CA7: variants seen among roughly 807,000 people sequenced by gnomAD.
The protein encoded by CA7 is carbonate dehydratase VII.
CA7 carries 13 observed loss-of-function variants against 31.4 expected under a neutral mutation model. The observed-to-expected ratio is 0.41, with a 90% confidence interval of 0.27 to 0.66. The LOEUF (loss-of-function observed/expected upper bound fraction) is 0.66. Ranked by LOEUF, CA7 falls within the 30% of genes least tolerant of loss-of-function variation. CA7 has a pLI of 0.28. For missense variants in CA7, 215 were observed against 351.0 expected (o/e 0.61, Z 3.10); for synonymous variants, 128 against 133.2 (o/e 0.96, Z 0.27).
chr16:66,849,192 G>A (rs773128617), intron 2 of CA7, among the ~76,000 whole-genome samples: 4 of 152,134 alleles, frequency 2.6e-5, no homozygotes, highest in Non-Finnish European at 4.4e-5. Flanking sequence ...AGGAGGCCTC[G>A]TGCATGGCCC....
chr16:66,853,423 G>C lies in CA7; in HGVS notation c.720G>C (p.Arg240Ser), dbSNP rs762837486. The change falls in exon 7 of 7, where the codon AGG becomes AGC. Residue 240 changes from arginine to serine, a missense_variant. By Grantham distance (110) the Arg-to-Ser change is moderately radical (BLOSUM62 -1). Transcript: ENST00000338437. The surrounding 1 kb of genome is among the most constrained non-coding windows in gnomAD (Gnocchi z 4.5). ...SLLFTSEDDERIHMVNNFRPP... is the reference protein window; with the variant it reads ...SLLFTSEDDESIHMVNNFRPP... ...TTTTTACCTCGGAGGACGATGAGAG[G>C]ATCCACATGGTGAACAACTTCCGGC... The C allele has an allele frequency of 1.7e-5, 28 of 1,614,044 alleles. No homozygotes were observed. The highest frequency in any genetic ancestry group is 2.3e-5 in the Non-Finnish European group (27 of 1,180,042).
In CA7 at chr16:66,850,636, G is replaced by GACGGCAAGTCCTTCCCCAGCGAGGT. The variant is rs1324347902; in HGVS notation, c.339_357+6dup. ...CGATGTGGGTTCTGAGCACACGGTGGACGGCAAGTCCTTCCCCAGCGAGGT... is the reference window on the plus strand; with the variant it reads ...CGATGTGGGTTCTGAGCACACGGTGGACGGCAAGTCCTTCCCCAGCGAGGTACGGCAAGTCCTTCCCCAGCGAGGT... On this transcript the variant is annotated frameshift_variant, in exon 3 of 7. Coordinates refer to ENST00000338437, the MANE Select transcript of CA7 (RefSeq NM_005182.3). LOFTEE classifies it high-confidence loss of function. 1.2e-6 allele frequency: 2 copies of GACGGCAAGTCCTTCCCCAGCGAGGT among 1,613,288 alleles called. No homozygotes were observed. The highest frequency in any genetic ancestry group is 4.5e-5 in the East Asian group (2 of 44,872).
chr16:66,850,804 C>T, intron 3 of CA7, 145 bp downstream of exon 3: 1 of 649,138 alleles, frequency 1.5e-6, no homozygotes, highest in Non-Finnish European at 2.8e-6. Context: ...TATTTTCTAC[C>T]CACCCCCAGC....
At chr16:66,844,785 G>A (rs1960888095) in intron 1 of CA7, 1 of 728,814 alleles carries the variant, frequency 1.4e-6, no homozygotes, top group Non-Finnish European at 2.0e-6. Context: ...CCTCCTCCGC[G>A]AAGCCCCTGA....
chr16:66,846,884 G>A lies in CA7; in HGVS notation c.41-146G>A, dbSNP rs143583329. On this transcript the variant is annotated intron_variant, in intron 1 of 6. Coordinates refer to ENST00000338437, the MANE Select transcript of CA7 (RefSeq NM_005182.3). The stretch of plus-strand genomic sequence containing the variant: ...GGCTGAAAGGGGAAATGGCAAAGCT[G>A]GGATTGGAACTCCAAGCTGTGCAGC... 8.7e-5 allele frequency: 57 copies of A among 652,702 alleles called. No individual in the cohort carries two copies. The East Asian group carries it at 1.5e-3, about 17-fold the overall frequency. 40.4% of individuals were successfully genotyped at this position (652,702 alleles called of 1,614,324 possible).
chr16:66,850,903 A>T (rs955973270), intron 3 of CA7, among the ~76,000 whole-genome samples: 3 of 152,068 alleles, frequency 2.0e-5, no homozygotes, highest in Non-Finnish European at 4.4e-5. Context: ...GTCCCACTGC[A>T]GCCTTGCTGA....
intron 1 of CA7, 56 bp from the exon 2 acceptor site, chr16:66,846,974 C>A: frequency 6.6e-7 from 1 of 1,509,216 alleles, no homozygotes; most frequent in Non-Finnish European, 9.2e-7. Flanking sequence ...GTGTCCTCGG[C>A]CTGAAGCCCA....
intron 3 of CA7, 91 bp downstream of exon 3, chr16:66,850,750 C>T (rs1019455453): frequency 2.3e-5 from 22 of 960,054 alleles, no homozygotes; most frequent in Admixed American, 1.9e-4. Context: ...TGGGGTCGGG[C>T]CTTGGAGAGG....
Position 66,851,746 on chromosome 16 carries a change from C to G in CA7, c.516+20C>G. 6.2e-7 allele frequency: 1 copy of G among 1,607,630 alleles called. No homozygotes were observed. The highest frequency in any genetic ancestry group is 8.5e-7 in the Non-Finnish European group (1 of 1,176,204). Reference sequence around the variant, plus strand: ...TTCAAGGTAAAGTCCCTGCCCCTGACCCAAGCAGCCCGATGGGGAGAGAGG... The same window carrying G: ...TTCAAGGTAAAGTCCCTGCCCCTGAGCCAAGCAGCCCGATGGGGAGAGAGG... On this transcript the variant is annotated intron_variant, in intron 5 of 6. Transcript: ENST00000338437.
At position 66,847,369 on chromosome 16, in the gene CA7, T is replaced by C. The variant is rs543008003; in HGVS notation, c.238+142T>C. On this transcript the variant is annotated intron_variant, in intron 2 of 6. Transcript: ENST00000338437. ...CAGCTGTGAAGCCTTGGGCTGATCTTCAGTCTCCTTATGTATAAAGTGAGA... is the reference window on the plus strand; with the variant it reads ...CAGCTGTGAAGCCTTGGGCTGATCTCCAGTCTCCTTATGTATAAAGTGAGA... 14 of 710,366 alleles carry C rather than the reference T, an allele frequency of 2.0e-5. No individual in the cohort carries two copies. The East Asian group carries it at 3.8e-4, about 19-fold the overall frequency. 44.0% of individuals were successfully genotyped at this position (710,366 alleles called of 1,614,324 possible).
Position 66,853,913 on chromosome 16 carries a change from G to A in CA7, c.*415G>A, listed in dbSNP as rs776814455. 5.2e-4 allele frequency: 90 copies of A among 172,892 alleles called. 1 individual carries two copies. The highest frequency in any genetic ancestry group is 8.9e-4 in the Admixed American group (16 of 17,886). 10.7% of individuals were successfully genotyped at this position (172,892 alleles called of 1,614,324 possible). On this transcript the variant is annotated 3_prime_UTR_variant, in exon 7 of 7. Transcript: ENST00000338437. The surrounding 1 kb of genome is among the most constrained non-coding windows in gnomAD (Gnocchi z 4.5). ...TAGAGGTGGGCAGAGCTGCCCTCTC[G>A]GCATTACCTCTTCTGCAGGCTCTGC...
At chr16:66,845,628 G>A (rs1487248189) in intron 1 of CA7, among the ~76,000 whole-genome samples, 1 of 152,148 alleles carries the variant, frequency 6.6e-6, no homozygotes, top group East Asian at 1.9e-4. Context: ...ATATAGACAA[G>A]CAGAGAGGGA....
intron 2 of CA7, among the ~76,000 whole-genome samples, chr16:66,848,774 G>T (rs994441058): frequency 6.6e-6 from 1 of 152,152 alleles, no homozygotes; most frequent in Admixed American, 6.5e-5. Context: ...TACGGAGGGA[G>T]CTCCCTCTCT....
intron 1 of CA7, among the ~76,000 whole-genome samples, chr16:66,845,909 T>C (rs1472424483): frequency 6.6e-6 from 1 of 152,178 alleles, no homozygotes; most frequent in Non-Finnish European, 1.5e-5. Context: ...GGTGCCGGCA[T>C]GCAGCAGTGT....
chr16:66,844,699 G>C (rs1024330779), intron 1 of CA7, among the ~76,000 whole-genome samples, 172 bp downstream of exon 1: 1 of 152,230 alleles, frequency 6.6e-6, no homozygotes, highest in Admixed American at 6.5e-5. Context: ...TTGGTCCCCC[G>C]CGCCAGACGC....
intron 1 of CA7, among the ~76,000 whole-genome samples, chr16:66,845,665 A>T (rs1453724224): frequency 2.0e-5 from 3 of 152,176 alleles, no homozygotes; most frequent in African/African-American, 7.2e-5. Context: ...GGGCAGATGG[A>T]CAGGACCCAT....
chr16:66,847,381 T>C (rs778216997), intron 2 of CA7, among the ~76,000 whole-genome samples, 154 bp downstream of exon 2: 1 of 152,200 alleles, frequency 6.6e-6, no homozygotes, highest in Non-Finnish European at 1.5e-5. Flanking sequence ...AGTCTCCTTA[T>C]GTATAAAGTG....
At chr16:66,850,397 C>T in intron 2 of CA7, 144 bp from the exon 3 acceptor site, 1 of 674,622 alleles carries the variant, frequency 1.5e-6, no homozygotes, top group Non-Finnish European at 2.7e-6. Context: ...GCCATGTTTG[C>T]ACCATGGCAC....
chr16:66,849,173 A>G (rs1244719239), intron 2 of CA7, among the ~76,000 whole-genome samples: 1 of 152,158 alleles, frequency 6.6e-6, no homozygotes, highest in East Asian at 1.9e-4. Context: ...TGGAAATTCT[A>G]TCAGTCCCAG....
Sources: allele counts gnomAD v4.1 joint callset (sites outside exome capture counted in the v4.1 genomes callset), GRCh38; gene constraint gnomAD v4.1.1; non-coding constraint Gnocchi (gnomAD v3.1); transcripts MANE v1.5; gene names NCBI Gene and HGNC (gene_info 2026-07-23, HGNC 2026-07-21).